FAAP100: variants seen among roughly 807,000 people sequenced by gnomAD.
FAAP100 encodes FA core complex associated protein 100.
In FAAP100, 46 loss-of-function variants were observed where a neutral mutation model predicts 65.8. The ratio of observed to expected loss-of-function variants is 0.70; its 90% CI spans 0.55 to 0.89. The LOEUF (loss-of-function observed/expected upper bound fraction) is 0.89, where lower values mean the gene tolerates loss of function less well. Ranked by LOEUF, FAAP100 falls within the 40% of genes least tolerant of loss-of-function variation. FAAP100 has a pLI of 0.00. For synonymous variants in FAAP100, 663 were observed against 555.1 expected (o/e 1.19, Z -2.73); for missense variants, 1,165 against 1,196.7 (o/e 0.97, Z 0.39).
chr17:81,542,538 G>C (rs1440842212), intron 7 of FAAP100, among the ~76,000 whole-genome samples: 1 of 152,194 alleles, frequency 6.6e-6, no homozygotes, highest in Non-Finnish European at 1.5e-5. Context: ...CTGTGTGCTG[G>C]GCAGGGTCCT....
intron 2 of FAAP100, 150 bp downstream of exon 2, chr17:81,551,778 G>A: frequency 7.3e-7 from 1 of 1,377,510 alleles, no homozygotes; most frequent in Non-Finnish European, 9.3e-7. Context: ...TGGGGGCAGG[G>A]GCTCCAGATA....
Position 81,550,866 on chromosome 17 carries a change from C to A in FAAP100, c.628G>T (p.Asp210Tyr). The change falls in exon 3 of 9, where the codon GAC becomes TAC. Residue 210 changes from aspartate to tyrosine, a missense_variant. Coordinates refer to ENST00000327787, the MANE Select transcript of FAAP100 (RefSeq NM_025161.6). The stretch of plus-strand genomic sequence containing the variant: ...AAGCCCCCGGAGCCCCCGAGGAGGT[C>A]GTGCGGGACCCTGGAGCCTGATGGT... ...VSPSGSRVPH[D>Y]LLGGSGGFTL... The A allele has an allele frequency of 6.2e-7, 1 of 1,612,254 alleles. No individual in the cohort carries two copies. Among genetic ancestry groups the A allele is most frequent in the Non-Finnish European group, 8.5e-7 (1 of 1,179,680 alleles).
chr17:81,547,352 C>T lies in FAAP100; in HGVS notation c.1730G>A (p.Arg577Gln), dbSNP rs72854496. The change falls in exon 5 of 9, where the codon CGG (arginine) becomes CAG (glutamine). Residue 577 changes from arginine (R) to glutamine (Q), a missense_variant. Transcript: ENST00000327787. Reference sequence around the variant, plus strand: ...GCCCAGGGGTAGCGTCACCTCCCGCCGAGCACCGGGGCCGAGCTGGTCCAC... The same window carrying T: ...GCCCAGGGGTAGCGTCACCTCCCGCTGAGCACCGGGGCCGAGCTGGTCCAC... Reference protein sequence around the residue: ...IPVDQLGPGARREVTLPLGPG... With the variant: ...IPVDQLGPGAQREVTLPLGPG... The T allele has an allele frequency of 1.1e-3, 1,726 of 1,612,748 alleles. 9 individuals carry two copies. The highest frequency in any genetic ancestry group is 6.3e-3 in the Middle Eastern group (38 of 6,062).
chr17:81,551,772 G>A, intron 2 of FAAP100, 156 bp downstream of exon 2: 1 of 1,376,672 alleles, frequency 7.3e-7, no homozygotes, highest in Non-Finnish European at 9.3e-7. Context: ...GAGTGCTGGG[G>A]GCAGGGGCTC....
rs748817423 is a variant in FAAP100 at position 81,549,333 on chromosome 17, T to C, written c.1276A>G (p.Lys426Glu). Residue 426 changes from lysine to glutamate, a missense_variant, in exon 4 of 9, where the codon AAA (lysine) becomes GAA (glutamate). Lys to Glu is a moderately conservative substitution (Grantham distance 56, BLOSUM62 1). Transcript: ENST00000327787. ...AGGCTGCAGGTCATCAGGCGGCCTT[T>C]GGCGGACAGGGCCAGGAGCTTGGTG... ...GGTKLLALSA[K>E]GRLMTCSLDL... The C allele has an allele frequency of 5.0e-6, 8 of 1,611,816 alleles. No homozygotes were observed. Among genetic ancestry groups the C allele is most frequent in the Admixed American group, 1.7e-5 (1 of 60,010 alleles).
Position 81,547,007 on chromosome 17 carries a change from C to A in FAAP100, c.2075G>T (p.Gly692Val). 1.3e-6 allele frequency: 2 copies of A among 1,532,820 alleles called. No individual in the cohort carries two copies. 95.0% of individuals were successfully genotyped at this position (1,532,820 alleles called of 1,614,324 possible). The part of the protein sequence containing the change: ...TCREPGSQPA[G>V]PASLRAEYLP... Reference sequence around the variant, plus strand: ...GTACTCGGCCCGCAGGGAGGCGGGTCCTGCTGGCTGGCTGCCAGGCTCCCG... The same window carrying A: ...GTACTCGGCCCGCAGGGAGGCGGGTACTGCTGGCTGGCTGCCAGGCTCCCG... Residue 692 changes from glycine to valine, a missense_variant, in exon 5 of 9, where the codon GGA becomes GTA. By Grantham distance (109) the Gly-to-Val change is moderately radical (BLOSUM62 -3). Coordinates refer to ENST00000327787, the MANE Select transcript of FAAP100 (RefSeq NM_025161.6).
At chr17:81,544,919 A>G (rs2033245938) in intron 6 of FAAP100, among the ~76,000 whole-genome samples, 3 of 152,188 alleles carry the variant, frequency 2.0e-5, no homozygotes, top group Admixed American at 2.0e-4. Flanking sequence ...CTGTAATCCC[A>G]ACACTTTGAG....
chr17:81,545,861 G>C lies in FAAP100; in HGVS notation c.2195C>G (p.Thr732Ser). 6.2e-7 allele frequency: 1 copy of C among 1,609,114 alleles called. No individual in the cohort carries two copies. Reference sequence around the variant, plus strand: ...ATTCTCAGCAAGGAGCCACTGCAGGGTGGCACAGCACAGGGGCACGCCTGG... The same window carrying C: ...ATTCTCAGCAAGGAGCCACTGCAGGCTGGCACAGCACAGGGGCACGCCTGG... ...GHSGVPLCCA[T>S]LQWLLAENAA... Residue 732 changes from threonine to serine, a missense_variant, in exon 6 of 9, where the codon ACC becomes AGC. Physicochemically the swap from Thr to Ser is moderately conservative, Grantham distance 58. Transcript: ENST00000327787.
Position 81,545,741 on chromosome 17 carries a change from C to A in FAAP100, c.2310+5G>T. The A allele has an allele frequency of 6.2e-7, 1 of 1,609,532 alleles. No homozygotes were observed. The highest frequency in any genetic ancestry group is 8.5e-7 in the Non-Finnish European group (1 of 1,178,184). ...CGTGGCTCGTTTCCCTGAACCCCTG[C>A]TTGCCTCTCGGACGATGAGGTGAAC... On this transcript the variant is annotated splice_donor_5th_base_variant and intron_variant, in intron 6 of 8. Transcript: ENST00000327787.
Position 81,550,420 on chromosome 17 carries a change from C to T in FAAP100, c.1074G>A (p.Val358=), listed in dbSNP as rs370963530. The change falls in exon 3 of 9, where the codon GTG becomes GTA. Residue 358 remains valine (V), a synonymous_variant. Transcript: ENST00000327787. The part of the protein sequence containing the change: ...LCAACGGGGR[V]YHSTPSDLCV... The stretch of plus-strand genomic sequence containing the variant: ...AGAGGTCAGAAGGGGTGCTGTGGTA[C>T]ACGCGGCCACCCCCGCCACAGGCAG... The T allele has an allele frequency of 6.2e-7, 1 of 1,612,314 alleles. No homozygotes were observed.
rs763497527 is a variant in FAAP100 at position 81,550,496 on chromosome 17, T to C, written c.998A>G (p.Lys333Arg). Residue 333 changes from lysine (K) to arginine (R), a missense_variant, in exon 3 of 9, where the codon AAG becomes AGG. Transcript: ENST00000327787. Reference protein sequence around the residue: ...AIKASWDESGKLVPELREYCL... With the variant: ...AIKASWDESGRLVPELREYCL... The stretch of plus-strand genomic sequence containing the variant: ...GTACTCCCGCAGCTCGGGCACCAGC[T>C]TCCCGGACTCATCCCAGCTGGCCTT... 5.2e-5 allele frequency: 84 copies of C among 1,612,756 alleles called. No homozygotes were observed. In the East Asian group the frequency reaches 1.8e-3, roughly 35 times the overall value.
chr17:81,545,134 G>C (rs1318065573), intron 6 of FAAP100, among the ~76,000 whole-genome samples: 1 of 152,152 alleles, frequency 6.6e-6, no homozygotes, highest in East Asian at 1.9e-4. Context: ...CGCACCACTG[G>C]ACTCCAGCCT....
chr17:81,541,151 G>A lies in FAAP100; in HGVS notation c.2514+158C>T, dbSNP rs181373937. ...GCCCCTCAAGTAGGATGAGGGGCAGGAAGAGCCATGGCCGCTCGGACTTTG... is the reference window on the plus strand; with the variant it reads ...GCCCCTCAAGTAGGATGAGGGGCAGAAAGAGCCATGGCCGCTCGGACTTTG... On this transcript the variant is annotated intron_variant, in intron 8 of 8. Coordinates refer to ENST00000327787, the MANE Select transcript of FAAP100 (RefSeq NM_025161.6). Among the ~76,000 whole-genome samples, 674 of 152,334 alleles carry A rather than the reference G, an allele frequency of 4.4e-3. 3 individuals carry two copies. Among genetic ancestry groups the A allele is most frequent in the Admixed American group, 8.2e-3 (125 of 15,310 alleles).
In FAAP100 at chr17:81,551,941, G is replaced by C; in HGVS notation, c.277C>G (p.Pro93Ala). 1 of 1,559,416 alleles carries C rather than the reference G, an allele frequency of 6.4e-7. No individual in the cohort carries two copies. The highest frequency in any genetic ancestry group is 8.6e-7 in the Non-Finnish European group (1 of 1,162,020). The change falls in exon 2 of 9, where the codon CCG (proline) becomes GCG (alanine). Residue 93 changes from proline to alanine, a missense_variant. Physicochemically the swap from Pro to Ala is conservative, Grantham distance 27. Transcript: ENST00000327787. ...GCCCGCCCTCACCTGCTCCTGCCCGGGTGGTCCAGCGACAGGCAGTAGAGG... is the reference window on the plus strand; with the variant it reads ...GCCCGCCCTCACCTGCTCCTGCCCGCGTGGTCCAGCGACAGGCAGTAGAGG... Reference protein sequence around the residue: ...RGLYCLSLDHPGRSRSTSQDD... With the variant: ...RGLYCLSLDHAGRSRSTSQDD...
chr17:81,541,995 G>T (rs187183608), intron 7 of FAAP100, among the ~76,000 whole-genome samples: 1 of 151,064 alleles, frequency 6.6e-6, no homozygotes, highest in African/African-American at 2.4e-5. Context: ...GTGAAACCCC[G>T]TCTCTACTAA....
Position 81,549,312 on chromosome 17 carries a change from T to TG in FAAP100, c.1296dup (p.Ser433GlnfsTer7), listed in dbSNP as rs2033413117. On this transcript the variant is annotated frameshift_variant, in exon 4 of 9. Coordinates refer to ENST00000327787, the MANE Select transcript of FAAP100 (RefSeq NM_025161.6). LOFTEE classifies it high-confidence loss of function. The stretch of plus-strand genomic sequence containing the variant: ...GGCATCTCAGAGTCCAGGTCCAGGC[T>TG]GCAGGTCATCAGGCGGCCTTTGGCG... 6.2e-7 allele frequency: 1 copy of TG among 1,612,706 alleles called. No individual in the cohort carries two copies. The highest frequency in any genetic ancestry group is 1.1e-5 in the South Asian group (1 of 91,080).
Position 81,540,794 on chromosome 17 carries a change from A to C in FAAP100, c.*25T>G, listed in dbSNP as rs747915829. ...TGTGACAGAGGCTGGAAGCGTGGCCAGAGCCCAGGGGCAGGCCCGCCTGGT... is the reference window on the plus strand; with the variant it reads ...TGTGACAGAGGCTGGAAGCGTGGCCCGAGCCCAGGGGCAGGCCCGCCTGGT... On this transcript the variant is annotated 3_prime_UTR_variant, in exon 9 of 9. Transcript: ENST00000327787. 1 of 1,492,178 alleles carries C rather than the reference A, an allele frequency of 6.7e-7. No homozygotes were observed. Among genetic ancestry groups the C allele is most frequent in the Non-Finnish European group, 8.9e-7 (1 of 1,119,014 alleles). 92.4% of individuals were successfully genotyped at this position (1,492,178 alleles called of 1,614,324 possible). A position where few individuals can be genotyped will look rare whatever the true frequency, so the allele number is the denominator to read the frequency against.
In FAAP100 at chr17:81,540,559, GAGA is replaced by G. The variant is rs1477806950; in HGVS notation, c.*257_*259del. On this transcript the variant is annotated 3_prime_UTR_variant, in exon 9 of 9. Coordinates refer to ENST00000327787, the MANE Select transcript of FAAP100 (RefSeq NM_025161.6). The stretch of plus-strand genomic sequence containing the variant: ...AGTGCAGGGGCTGCGGCCGCGGTCA[GAGA>G]AGGAGAGACACCAGCAGAGGACGCG... 7 of 450,264 alleles carry G rather than the reference GAGA, an allele frequency of 1.6e-5. No individual in the cohort carries two copies. The highest frequency in any genetic ancestry group is 2.3e-5 in the Non-Finnish European group (6 of 258,830). 27.9% of individuals were successfully genotyped at this position (450,264 alleles called of 1,614,324 possible).
At position 81,540,953 on chromosome 17, in the gene FAAP100, G is replaced by C; in HGVS notation, c.2515-3C>G. On this transcript the variant is annotated splice_region_variant and splice_polypyrimidine_tract_variant and intron_variant, in intron 8 of 8. Transcript: ENST00000327787. ...GTCTGCACCTCCCGCAGCAGTGTCT[G>C]CAGGTGAAGCAGACACAGCTCAGGC... The C allele has an allele frequency of 6.3e-7, 1 of 1,575,224 alleles. No homozygotes were observed. Among genetic ancestry groups the C allele is most frequent in the Non-Finnish European group, 8.6e-7 (1 of 1,163,168 alleles).
Sources: gnomAD v4.1 joint callset for allele counts (sites outside exome capture counted in the v4.1 genomes callset) on GRCh38, gnomAD v4.1.1 for gene constraint, MANE v1.5 for transcripts, NCBI Gene and HGNC (gene_info 2026-07-23, HGNC 2026-07-21) for gene names.